Variants in LRP2 observed in about 807,000 individuals in gnomAD.
LRP2 encodes the protein LDL receptor related protein 2, also known as low-density lipoprotein receptor-related protein 2.
A neutral mutation model predicts 531.0 loss-of-function variants in LRP2; 172 were observed. The ratio of observed to expected loss-of-function variants is 0.32; its 90% CI spans 0.29 to 0.37. The LOEUF (loss-of-function observed/expected upper bound fraction) is 0.37. Among genes scored for constraint, LRP2 ranks in the 10% least tolerant of loss-of-function variants. The probability of loss-of-function intolerance (pLI) is 1.00; values close to 1 mark genes in which losing one functional copy is unlikely to be tolerated. For missense variants in LRP2, 5,167 were observed against 5,868.3 expected, an observed-to-expected ratio of 0.88 and a Z score of 3.90; for synonymous variants, 1,992 against 2,027.6, an observed-to-expected ratio of 0.98 and a Z score of 0.47.
chr2:169,153,653 G>C (rs1341702675), intron 66 of LRP2, among the ~76,000 whole-genome samples: 1 of 152,024 alleles, frequency 6.6e-6, no homozygotes, highest in Non-Finnish European at 1.5e-5. Flanking sequence ...TTACTACTTT[G>C]ATTTTGTAGA....
intron 46 of LRP2, 106 bp downstream of exon 46, chr2:169,196,805 C>T (rs769360518): frequency 8.0e-6 from 12 of 1,499,634 alleles, no homozygotes; most frequent in East Asian, 2.3e-5. Flanking sequence ...GACAGGAAGT[C>T]CAAGCATTCA....
At chr2:169,247,351 TAAA>T (rs746824246) in intron 20 of LRP2, 24 bp downstream of exon 20, 52 of 1,611,988 alleles carry the variant, frequency 3.2e-5, no homozygotes, top group Non-Finnish European at 4.4e-5. Context: ...TACAAAAAAA[TAAA>T]AAAAACTGGG....
chr2:169,137,164 A>C (rs1297778437), intron 76 of LRP2, among the ~76,000 whole-genome samples: 4 of 152,230 alleles, frequency 2.6e-5, no homozygotes, highest in African/African-American at 9.6e-5. Context: ...CAGCCCCGGC[A>C]TGGCTGCCAA....
chr2:169,227,319 A>G (rs781639413), intron 31 of LRP2, among the ~76,000 whole-genome samples: 3 of 152,248 alleles, frequency 2.0e-5, no homozygotes, highest in Non-Finnish European at 2.9e-5. Flanking sequence ...GTATAAGTGA[A>G]TAAGTAAACA....
At chr2:169,191,316 G>A (rs7565822) in intron 48 of LRP2, among the ~76,000 whole-genome samples, 29,476 of 152,100 alleles carry the variant, frequency 0.19, 6,763 homozygotes, top group African/African-American at 0.55. Flanking sequence ...TATTTTTCTT[G>A]TAGTAGAGAG....
In LRP2 at chr2:169,151,090, G is replaced by A; in HGVS notation, c.12462-64C>T. On this transcript the variant is annotated intron_variant, in intron 67 of 78. Coordinates refer to ENST00000649046, the MANE Select transcript of LRP2 (RefSeq NM_004525.3). ...TAGAGTAATCATTACTGGGTAAGAG[G>A]TTTGAAGATGAGAGCATTTCGTTTG... 3.2e-6 allele frequency: 5 copies of A among 1,563,064 alleles called. No homozygotes were observed. The Admixed American group carries it at 8.3e-5, about 26-fold the overall frequency.
chr2:169,238,775 G>A (rs1342164423), intron 26 of LRP2, among the ~76,000 whole-genome samples: 1 of 152,112 alleles, frequency 6.6e-6, no homozygotes, highest in Admixed American at 6.5e-5. Flanking sequence ...AGCATGCCAA[G>A]TTTTAGCTTG....
intron 1 of LRP2, among the ~76,000 whole-genome samples, chr2:169,326,426 C>G (rs1193168554): frequency 6.6e-6 from 1 of 151,250 alleles, no homozygotes; most frequent in Non-Finnish European, 1.5e-5. Flanking sequence ...CTGTGTTGGC[C>G]GGGCTGGTCT....
chr2:169,201,489 G>T, intron 44 of LRP2, 139 bp downstream of exon 44: 1 of 1,076,030 alleles, frequency 9.3e-7, no homozygotes, highest in Non-Finnish European at 1.3e-6. Flanking sequence ...TTGCTACCGC[G>T]CCTAGCCAAA....
At chr2:169,173,276 T>C in intron 56 of LRP2, 52 bp from the exon 57 acceptor site, 1 of 1,610,508 alleles carries the variant, frequency 6.2e-7, no homozygotes, top group Non-Finnish European at 8.5e-7. Flanking sequence ...AGAAAGCACC[T>C]TTCCATTGTC....
chr2:169,282,769 C>A, intron 10 of LRP2, 104 bp downstream of exon 10: 2 of 1,304,094 alleles, frequency 1.5e-6, no homozygotes, highest in Non-Finnish European at 2.2e-6. Flanking sequence ...TAAAGCCCTG[C>A]CAACAACAAA....
chr2:169,237,735 T>C (rs1369284475), intron 27 of LRP2, among the ~76,000 whole-genome samples: 12 of 152,142 alleles, frequency 7.9e-5, no homozygotes, highest in Non-Finnish European at 1.5e-4. Context: ...GGAGATGGAT[T>C]GAGAAATATC....
Position 169,157,953 on chromosome 2 carries a change from T to TAAAAAAAA in LRP2, c.11888-452_11888-451insTTTTTTTT, listed in dbSNP as rs1233711848. ...ATAAATAAATAAATAAATAAATAAA[T>TAAAAAAAA]AAATAAAAGACATGGATACAGATAG... On this transcript the variant is annotated intron_variant, in intron 63 of 78. Transcript: ENST00000649046. 1.0e-4 allele frequency among the ~76,000 whole-genome samples: 15 copies of TAAAAAAAA among 145,976 alleles called. No homozygotes were observed. In the East Asian group the frequency reaches 3.0e-3, roughly 30 times the overall value.
Position 169,212,039 on chromosome 2 carries a change from A to G in LRP2, c.6209T>C (p.Leu2070Pro), listed in dbSNP as rs753340366. ...PYNSFIVVSM[L>P]SAIRGFSLEL... ...CAAGCTAAAGCCTCTGATTGCAGAC[A>G]GCATTGAAACAACAATGAAAGAGTT... is the stretch of plus-strand genomic sequence containing the variant. The change falls in exon 37 of 79, where the codon CTG becomes CCG. Residue 2070 changes from leucine (L) to proline (P), a missense_variant. By Grantham distance (98) the Leu-to-Pro change is moderately conservative. Transcript: ENST00000649046. 5 of 1,613,940 alleles carry G rather than the reference A, an allele frequency of 3.1e-6. No homozygotes were observed. Among genetic ancestry groups the G allele is most frequent in the Admixed American group, 1.7e-5 (1 of 59,998 alleles).
At chr2:169,160,296 A>C (rs1054074479) in intron 63 of LRP2, among the ~76,000 whole-genome samples, 11 of 152,202 alleles carry the variant, frequency 7.2e-5, no homozygotes, top group African/African-American at 2.7e-4. Flanking sequence ...TAATTTTTTT[A>C]AAGATAACTA....
In LRP2 at chr2:169,225,217, G is replaced by C; in HGVS notation, c.5538+93C>G. ...TCCCTTTTTCTTTTTGCTTAAAAAT[G>C]ATTCCAAAATCCACGTGAGATCTAT... is the stretch of plus-strand genomic sequence containing the variant. On this transcript the variant is annotated intron_variant, in intron 33 of 78. Transcript: ENST00000649046. 4 of 1,346,712 alleles carry C rather than the reference G, an allele frequency of 3.0e-6. No homozygotes were observed. In the Admixed American group the frequency reaches 7.0e-5, roughly 23 times the overall value. The allele number at this position is 1,346,712 out of a possible 1,614,324, so 83.4% of individuals were successfully genotyped here. A position where few individuals can be genotyped will look rare whatever the true frequency, so the allele number is the denominator to read the frequency against.
intron 1 of LRP2, among the ~76,000 whole-genome samples, chr2:169,334,824 T>C (rs956782542): frequency 6.6e-6 from 1 of 152,160 alleles, no homozygotes; most frequent in Non-Finnish European, 1.5e-5. Context: ...CAAAATCAGG[T>C]TACGGTGAGG....
At chr2:169,192,441 G>A (rs1359668529) in intron 47 of LRP2, among the ~76,000 whole-genome samples, 1 of 138,676 alleles carries the variant, frequency 7.2e-6, no homozygotes, top group Non-Finnish European at 1.5e-5. Flanking sequence ...TACACCATTT[G>A]TATAGATGAG....
intron 10 of LRP2, 74 bp from the exon 11 acceptor site, chr2:169,280,593 G>A (rs1450593573): frequency 7.0e-7 from 1 of 1,425,222 alleles, no homozygotes; most frequent in Non-Finnish European, 9.8e-7. Flanking sequence ...CAAATGATAT[G>A]CTTTCTGCTT....
Sources: gnomAD v4.1 joint callset for allele counts (sites outside exome capture counted in the v4.1 genomes callset) on GRCh38, gnomAD v4.1.1 for gene constraint, MANE v1.5 for transcripts, NCBI Gene and HGNC (gene_info 2026-07-23, HGNC 2026-07-21) for gene names.